Variants in USP34 observed in about 807,000 individuals in gnomAD.
The protein encoded by USP34 is ubiquitin carboxyl-terminal hydrolase 34.
In USP34, 70 loss-of-function variants were observed where a neutral mutation model predicts 460.3. The observed-to-expected ratio is 0.15, with a 90% CI of 0.13 to 0.19. The LOEUF (loss-of-function observed/expected upper bound fraction) is 0.19. Among genes scored for constraint, USP34 ranks in the 10% least tolerant of loss-of-function variants. The probability of loss-of-function intolerance (pLI) is 1.00; values close to 1 mark genes in which losing one functional copy is unlikely to be tolerated. For synonymous variants in USP34, 1,647 were observed against 1,405.3 expected (o/e 1.17, Z -3.85); for missense variants, 3,985 against 4,236.2 (o/e 0.94, Z 1.65).
Position 61,265,462 on chromosome 2 carries a change from A to C in USP34, c.5713T>G (p.Leu1905Val). 6.2e-7 allele frequency: 1 copy of C among 1,613,648 alleles called. No individual in the cohort carries two copies. The highest frequency in any genetic ancestry group is 8.5e-7 in the Non-Finnish European group (1 of 1,179,870). ...GLTNLGATCYLASTIQQLYMI... is the reference protein window; with the variant it reads ...GLTNLGATCYVASTIQQLYMI... ...TAAAGTTGCTGAATAGTAGAAGCTA[A>C]GTAACAAGTAGCTCCAAGGTTAGTA... is the stretch of plus-strand genomic sequence containing the variant. Residue 1905 changes from leucine (L) to valine (V), a missense_variant, in exon 43 of 80, where the codon TTA becomes GTA. Transcript: ENST00000398571.
chr2:61,283,401 A>G lies in USP34; in HGVS notation c.4873+8T>C. ...ATTTATTAAAAGTTAACTTTGTGGA[A>G]CCCTTACCTTCATGTCTAGACCTGT... On this transcript the variant is annotated splice_region_variant and intron_variant, in intron 36 of 79. Transcript: ENST00000398571. 6.2e-7 allele frequency: 1 copy of G among 1,601,854 alleles called. No individual in the cohort carries two copies. The highest frequency in any genetic ancestry group is 1.9e-4 in the Middle Eastern group (1 of 5,350).
chr2:61,430,477 G>T (rs1474073028), intron 1 of USP34, among the ~76,000 whole-genome samples: 1 of 152,182 alleles, frequency 6.6e-6, no homozygotes. Context: ...CGACAATGCA[G>T]AGTTGGTGGT....
chr2:61,285,552 TA>T (rs1407769746), intron 34 of USP34, among the ~76,000 whole-genome samples: 4 of 141,070 alleles, frequency 2.8e-5, no homozygotes, highest in African/African-American at 5.3e-5. Context: ...AATTTAGAAA[TA>T]GGGGCAAAAA....
At chr2:61,303,642 G>A (rs931787290) in intron 27 of USP34, among the ~76,000 whole-genome samples, 1 of 151,170 alleles carries the variant, frequency 6.6e-6, no homozygotes, top group Admixed American at 6.6e-5. Context: ...TGTCGCCCAC[G>A]CTGGAGTGCA....
rs1317037370 is a variant in USP34, at chr2:61,470,797, G to A, written c.-105C>T. On this transcript the variant is annotated 5_prime_UTR_variant, in exon 1 of 80. Coordinates refer to ENST00000398571, the MANE Select transcript of USP34 (RefSeq NM_014709.4). ...CGGAGGAGGGGGCCGGCCGGCCGGCGGGGCGGGGAGGCGACTAGGGCGGGC... is the reference window on the plus strand; with the variant it reads ...CGGAGGAGGGGGCCGGCCGGCCGGCAGGGCGGGGAGGCGACTAGGGCGGGC... 6.7e-6 allele frequency: 6 copies of A among 899,378 alleles called. No homozygotes were observed. In the South Asian group the frequency reaches 9.3e-5, roughly 14 times the overall value. 55.7% of individuals were successfully genotyped at this position (899,378 alleles called of 1,614,324 possible).
intron 12 of USP34, 44 bp from the exon 13 acceptor site, chr2:61,349,329 T>A: frequency 6.3e-7 from 1 of 1,593,624 alleles, no homozygotes; most frequent in Non-Finnish European, 8.6e-7. Context: ...TCTAAGTGAC[T>A]CAGCTTCTTT....
intron 49 of USP34, among the ~76,000 whole-genome samples, 154 bp downstream of exon 49, chr2:61,248,357 T>C (rs1444617143): frequency 6.6e-6 from 1 of 152,184 alleles, no homozygotes; most frequent in African/African-American, 2.4e-5. Flanking sequence ...TATTTACTGG[T>C]TAACTGACTG....
chr2:61,433,578 G>C (rs1694735826), intron 1 of USP34, among the ~76,000 whole-genome samples: 1 of 152,106 alleles, frequency 6.6e-6, no homozygotes, highest in Admixed American at 6.5e-5. Flanking sequence ...AGGTTGCAGT[G>C]AACCAAGATC....
chr2:61,380,618 C>T (rs534166467), intron 6 of USP34, among the ~76,000 whole-genome samples: 50 of 152,216 alleles, frequency 3.3e-4, no homozygotes, highest in South Asian at 2.3e-3. Context: ...ATTATATGTA[C>T]AAGAATTTGC....
chr2:61,375,991 T>C (rs1262583686), intron 8 of USP34, among the ~76,000 whole-genome samples: 1 of 152,076 alleles, frequency 6.6e-6, no homozygotes, highest in Non-Finnish European at 1.5e-5. Flanking sequence ...TGATTCCTTT[T>C]AAATGAAATA....
At chr2:61,284,736 T>C (rs1019343189) in intron 35 of USP34, 139 bp downstream of exon 35, 2 of 602,460 alleles carry the variant, frequency 3.3e-6, no homozygotes, top group African/African-American at 3.7e-5. Context: ...AATACGTAAA[T>C]TTGGATGGAA....
chr2:61,366,151 G>A (rs1302728595), intron 10 of USP34, among the ~76,000 whole-genome samples: 4 of 152,138 alleles, frequency 2.6e-5, no homozygotes, highest in Non-Finnish European at 2.9e-5. Flanking sequence ...GTCTTGAACC[G>A]CTGACTTTGT....
At chr2:61,299,035 G>A (rs911813077) in intron 29 of USP34, among the ~76,000 whole-genome samples, 1 of 151,916 alleles carries the variant, frequency 6.6e-6, no homozygotes, top group Non-Finnish European at 1.5e-5. Context: ...ACATGGAACA[G>A]AACACCAGCA....
chr2:61,439,643 G>C (rs1016461824), intron 1 of USP34, among the ~76,000 whole-genome samples: 1 of 152,176 alleles, frequency 6.6e-6, no homozygotes, highest in Non-Finnish European at 1.5e-5. Flanking sequence ...CAAGAAGGCA[G>C]CATGGCAGCC....
chr2:61,420,208 G>GA (rs1168714422), intron 2 of USP34, among the ~76,000 whole-genome samples: 3 of 152,018 alleles, frequency 2.0e-5, no homozygotes. Context: ...TTATTCAAGG[G>GA]AAAAAAATTA....
chr2:61,317,609 A>T (rs375613979), intron 23 of USP34, 45 bp downstream of exon 23: 1 of 1,502,286 alleles, frequency 6.7e-7, no homozygotes, highest in South Asian at 1.2e-5. Flanking sequence ...TGATAATCTA[A>T]TTTGAGGAAT....
chr2:61,469,382 G>A (rs900199262), intron 1 of USP34, among the ~76,000 whole-genome samples: 6 of 152,032 alleles, frequency 3.9e-5, no homozygotes, highest in African/African-American at 1.2e-4. Context: ...ATCGTAAACC[G>A]CCTGCGCCAG....
At chr2:61,277,958 C>T (rs1321137024) in intron 41 of USP34, 7 of 564,308 alleles carry the variant, frequency 1.2e-5, no homozygotes, top group African/African-American at 5.7e-5. Flanking sequence ...GCGACTTGCT[C>T]GGACTTGCCC....
chr2:61,235,788 G>GC, intron 57 of USP34, 57 bp downstream of exon 57: 2 of 1,549,908 alleles, frequency 1.3e-6, no homozygotes, highest in African/African-American at 1.4e-5. Flanking sequence ...TAGATCAGAG[G>GC]GGGGGAAAAA....
Sources: gnomAD v4.1 joint callset for allele counts (sites outside exome capture counted in the v4.1 genomes callset) on GRCh38, gnomAD v4.1.1 for gene constraint, MANE v1.5 for transcripts, NCBI Gene and HGNC (gene_info 2026-07-23, HGNC 2026-07-21) for gene names.